The following YEATS2 variants were observed in gnomAD, a reference collection of about 807,000 sequenced individuals.
The protein encoded by YEATS2 is YEATS domain containing 2.
Under a neutral mutation model 163.2 loss-of-function variants are expected in YEATS2, and 77 were observed. That is an observed-to-expected ratio of 0.47 (90% CI 0.39 to 0.57). The LOEUF (loss-of-function observed/expected upper bound fraction) is 0.57. Among genes scored for constraint, YEATS2 ranks in the 20% least tolerant of loss-of-function variants. YEATS2 has a pLI of 0.00. For synonymous variants in YEATS2, 631 were observed against 645.1 expected, an observed-to-expected ratio of 0.98 and a Z score of 0.33; for missense variants, 1,549 against 1,729.8, an observed-to-expected ratio of 0.90 and a Z score of 1.85.
At chr3:183,729,196 A>G (rs1031174185) in intron 7 of YEATS2, among the ~76,000 whole-genome samples, 1 of 151,328 alleles carries the variant, frequency 6.6e-6, no homozygotes, top group African/African-American at 2.4e-5. Flanking sequence ...GGCGTGAACC[A>G]GGGAGGCGGA....
intron 15 of YEATS2, among the ~76,000 whole-genome samples, chr3:183,771,889 G>C (rs1310516564): frequency 2.0e-5 from 3 of 151,882 alleles, no homozygotes; most frequent in African/African-American, 7.3e-5. Context: ...ACCATGCCCA[G>C]CTAATTTTTG....
chr3:183,738,268 C>G (rs555450434), intron 8 of YEATS2, among the ~76,000 whole-genome samples: 62 of 152,090 alleles, frequency 4.1e-4, no homozygotes, highest in African/African-American at 1.1e-3. Flanking sequence ...TCACACATCT[C>G]TCACCTTAAA....
intron 21 of YEATS2, among the ~76,000 whole-genome samples, chr3:183,797,095 A>G (rs1267616029): frequency 6.6e-6 from 1 of 150,848 alleles, no homozygotes; most frequent in Admixed American, 6.6e-5. Context: ...ATGGCGAAAC[A>G]CTGTCTCTAC....
intron 10 of YEATS2, among the ~76,000 whole-genome samples, chr3:183,752,708 CAAA>C (rs1269458468): frequency 3.3e-5 from 2 of 59,850 alleles, no homozygotes; most frequent in Admixed American, 1.9e-4. Flanking sequence ...GACTCCATCT[CAAA>C]AAAAAAAAAA....
intron 23 of YEATS2, among the ~76,000 whole-genome samples, chr3:183,800,031 A>C (rs895058759): frequency 1.3e-5 from 2 of 151,718 alleles, no homozygotes; most frequent in Non-Finnish European, 2.9e-5. Context: ...ATGGGGTTTC[A>C]CCATGTTAGC....
At chr3:183,733,417 G>T (rs1718012504) in intron 7 of YEATS2, among the ~76,000 whole-genome samples, 1 of 152,082 alleles carries the variant, frequency 6.6e-6, no homozygotes, top group African/African-American at 2.4e-5. Context: ...TGCCATTCAG[G>T]TTGTATTCTT....
intron 1 of YEATS2, among the ~76,000 whole-genome samples, chr3:183,701,226 A>AC: frequency 1.3e-5 from 2 of 151,174 alleles, no homozygotes; most frequent in Admixed American, 1.3e-4. Context: ...GACTACAGGC[A>AC]CCCACCACCT....
At chr3:183,749,044 G>A (rs1577106389) in intron 9 of YEATS2, among the ~76,000 whole-genome samples, 1 of 152,000 alleles carries the variant, frequency 6.6e-6, no homozygotes, top group Non-Finnish European at 1.5e-5. Context: ...CCGGGTTCAC[G>A]CCATTCTCCT....
intron 27 of YEATS2, among the ~76,000 whole-genome samples, chr3:183,805,271 C>T (rs910278106): frequency 1.3e-5 from 2 of 151,810 alleles, no homozygotes; most frequent in African/African-American, 2.4e-5. Context: ...TGTGGTAGCT[C>T]GCCTGTAGTC....
At chr3:183,704,771 G>C (rs948383268) in intron 1 of YEATS2, among the ~76,000 whole-genome samples, 2 of 152,008 alleles carry the variant, frequency 1.3e-5, no homozygotes, top group African/African-American at 4.8e-5. Context: ...TGGGATTACA[G>C]GTATCCACAA....
At chr3:183,711,341 A>C (rs184002157) in intron 1 of YEATS2, among the ~76,000 whole-genome samples, 12 of 151,774 alleles carry the variant, frequency 7.9e-5, no homozygotes, top group South Asian at 2.1e-4. Flanking sequence ...GGCGTGGTGG[A>C]GGGCACCTGT....
chr3:183,724,819 C>T (rs933386617), intron 6 of YEATS2, among the ~76,000 whole-genome samples: 18 of 152,084 alleles, frequency 1.2e-4, no homozygotes, highest in South Asian at 4.2e-4. Flanking sequence ...CTTGGTTCAC[C>T]GCAACCTCCC....
At position 183,775,994 on chromosome 3, in the gene YEATS2, C is replaced by A. The variant is rs763287552; in HGVS notation, c.2448C>A (p.Gly816=). Residue 816 remains glycine (G), a synonymous_variant, in exon 18 of 31, where the codon GGC becomes GGA. Transcript: ENST00000305135. ...GGGGGGGGGS[G]SGGGGSTGGG... ...GAGGAGGAGGAGGAGGCGGCAGTGG[C>A]AGCGGTGGAGGCGGCAGCACAGGAG... is the stretch of plus-strand genomic sequence containing the variant. 3 of 1,608,756 alleles carry A rather than the reference C, an allele frequency of 1.9e-6. No homozygotes were observed. Among genetic ancestry groups the A allele is most frequent in the African/African-American group, 2.7e-5 (2 of 74,616 alleles).
intron 1 of YEATS2, among the ~76,000 whole-genome samples, chr3:183,706,509 T>G (rs1239425944): frequency 1.3e-5 from 2 of 152,142 alleles, no homozygotes; most frequent in African/African-American, 4.8e-5. Context: ...TACAGTTGGG[T>G]GTTTTTGCAA....
chr3:183,736,680 G>A lies in YEATS2; in HGVS notation c.813-38G>A, dbSNP rs549005904. ...CTTTTCCTGTGTAGGATGAGAGAGT[G>A]AACATGGATGAACGTGTTAATATCT... On this transcript the variant is annotated intron_variant, in intron 7 of 30. Coordinates refer to ENST00000305135, the MANE Select transcript of YEATS2 (RefSeq NM_018023.5). 1.9e-6 allele frequency: 3 copies of A among 1,541,466 alleles called. No individual in the cohort carries two copies. The South Asian group carries it at 3.5e-5, about 18-fold the overall frequency.
intron 30 of YEATS2, among the ~76,000 whole-genome samples, chr3:183,809,810 G>T (rs1726614248): frequency 6.6e-6 from 1 of 152,200 alleles, no homozygotes; most frequent in South Asian, 2.1e-4. Context: ...TATGCTAAAG[G>T]CTGTCACAGA....
At position 183,795,185 on chromosome 3, in the gene YEATS2, G is replaced by A. The variant is rs991922649; in HGVS notation, c.3098-2738G>A. Reference sequence around the variant, plus strand: ...AGACACTGTCTCAAAAAAAAAAAAAGAAAAAGAAAAAAAGAATAAACCATC... The same window carrying A: ...AGACACTGTCTCAAAAAAAAAAAAAAAAAAAGAAAAAAAGAATAAACCATC... On this transcript the variant is annotated intron_variant, in intron 21 of 30. Coordinates refer to ENST00000305135, the MANE Select transcript of YEATS2 (RefSeq NM_018023.5). 8.1e-5 allele frequency among the ~76,000 whole-genome samples: 11 copies of A among 135,436 alleles called. No individual in the cohort carries two copies. In the East Asian group the frequency reaches 1.1e-3, roughly 13 times the overall value. The allele number at this position is 135,436 out of a possible 152,430, so 88.9% of individuals were successfully genotyped here. A position where few individuals can be genotyped will look rare whatever the true frequency, so the allele number is the denominator to read the frequency against.
chr3:183,805,797 A>T (rs263036), intron 27 of YEATS2, among the ~76,000 whole-genome samples: 1 of 150,200 alleles, frequency 6.7e-6, no homozygotes, highest in Non-Finnish European at 1.5e-5. Context: ...CAAAAAAAAA[A>T]GGGGGGGCAA....
chr3:183,800,313 T>C (rs1339877817), intron 23 of YEATS2, among the ~76,000 whole-genome samples, 153 bp from the exon 24 acceptor site: 1 of 152,200 alleles, frequency 6.6e-6, no homozygotes, highest in Admixed American at 6.5e-5. Context: ...CCTGGGATGA[T>C]AGGAGCCATC....
Sources: gnomAD v4.1 joint callset for allele counts (sites outside exome capture counted in the v4.1 genomes callset) on GRCh38, gnomAD v4.1.1 for gene constraint, MANE v1.5 for transcripts, NCBI Gene and HGNC (gene_info 2026-07-23, HGNC 2026-07-21) for gene names.